The following SSPN variants were observed in gnomAD, a reference collection of about 807,000 sequenced individuals.
SSPN encodes the protein sarcospan.
In SSPN, 15 loss-of-function variants were observed where a neutral mutation model predicts 19.1. The ratio of observed to expected loss-of-function variants is 0.78; its 90% confidence interval spans 0.52 to 1.21. SSPN has a LOEUF of 1.21. Among genes scored for constraint, SSPN ranks in the 50% most tolerant of loss-of-function variants. SSPN has a pLI of 0.00. For synonymous variants in SSPN, 147 were observed against 140.3 expected, an observed-to-expected ratio of 1.05 and a Z score of -0.34; for missense variants, 291 against 314.0, an observed-to-expected ratio of 0.93 and a Z score of 0.55.
chr12:26,124,964 ACACACG>A lies in SSPN; in HGVS notation c.-31+2818_-31+2823del, dbSNP rs1944351152. The A allele has an allele frequency of 1.1e-5, 7 of 633,750 alleles. No individual in the cohort carries two copies. In the Admixed American group the frequency reaches 1.6e-4, roughly 14 times the overall value. 39.3% of individuals were successfully genotyped at this position (633,750 alleles called of 1,614,324 possible). On this transcript the variant is annotated intron_variant, in intron 1 of 2. Transcript: ENST00000538142. ...CCCCCCCTCCACCGCGCTCGCACACACACACGCACACACACGCACACTCGCGCCGGC... is the reference window on the plus strand; with the variant it reads ...CCCCCCCTCCACCGCGCTCGCACACACACACACACGCACACTCGCGCCGGC...
chr12:26,228,547 C>G (rs1052266216), intron 2 of SSPN, among the ~76,000 whole-genome samples: 1 of 152,028 alleles, frequency 6.6e-6, no homozygotes, highest in Non-Finnish European at 1.5e-5. Flanking sequence ...GAAATGATCA[C>G]TTTAACCTGG....
chr12:26,215,440 C>T (rs1220134219), intron 1 of SSPN, among the ~76,000 whole-genome samples: 3 of 152,138 alleles, frequency 2.0e-5, no homozygotes, highest in South Asian at 2.1e-4. Flanking sequence ...CCAGAAAAGG[C>T]AGAAATGGGG....
intron 1 of SSPN, among the ~76,000 whole-genome samples, chr12:26,156,865 A>G (rs914513003): frequency 1.3e-5 from 2 of 152,168 alleles, no homozygotes; most frequent in Non-Finnish European, 2.9e-5. Flanking sequence ...CCTTTTGCAT[A>G]TGAGGAAACT....
chr12:26,165,273 T>C lies in SSPN; in HGVS notation c.-31+43121T>C, dbSNP rs1944613634. Among the ~76,000 whole-genome samples, 3 of 152,188 alleles carry C rather than the reference T, an allele frequency of 2.0e-5. No individual in the cohort carries two copies. In the South Asian group the frequency reaches 6.2e-4, roughly 31 times the overall value. On this transcript the variant is annotated intron_variant, in intron 1 of 2. Transcript: ENST00000538142. ...GTCTATACAGAGCTGGGGAAAGTAT[T>C]TTCCTCTTTATAAGGAGTTCACTGC... is the stretch of plus-strand genomic sequence containing the variant.
chr12:26,157,350 T>C (rs1272940930), intron 1 of SSPN, among the ~76,000 whole-genome samples: 2 of 152,232 alleles, frequency 1.3e-5, no homozygotes, highest in Non-Finnish European at 2.9e-5. Context: ...ATTAATAAAG[T>C]AAACTGACTA....
chr12:26,137,255 G>C (rs990758606), intron 1 of SSPN, among the ~76,000 whole-genome samples: 1 of 152,114 alleles, frequency 6.6e-6, no homozygotes, highest in Non-Finnish European at 1.5e-5. Context: ...AAAACACTGC[G>C]GCTGCAGAGT....
intron 1 of SSPN, among the ~76,000 whole-genome samples, chr12:26,169,593 A>ATAT (rs1244268579): frequency 8.3e-6 from 1 of 120,596 alleles, no homozygotes; most frequent in African/African-American, 2.8e-5. Context: ...ATATATATAT[A>ATAT]TTTTTTTTTC....
intron 1 of SSPN, among the ~76,000 whole-genome samples, chr12:26,208,319 T>G (rs1019317950): frequency 6.6e-6 from 1 of 152,214 alleles, no homozygotes; most frequent in Non-Finnish European, 1.5e-5. Context: ...TTGTGTGCAA[T>G]GGTATCTTGT....
At position 26,122,151 on chromosome 12, in the gene SSPN, A is replaced by C. The variant is rs1330625550; in HGVS notation, c.-32A>C. 1.3e-6 allele frequency: 2 copies of C among 1,545,998 alleles called. No individual in the cohort carries two copies. Among genetic ancestry groups the C allele is most frequent in the East Asian group, 2.5e-5 (1 of 40,488 alleles). On this transcript the variant is annotated splice_region_variant and 5_prime_UTR_variant, in exon 1 of 3. Transcript: ENST00000538142. ...CGGCTCGCGGGGCCCGGCGAAGGGC[A>C]GGTGGGTGCGGCCGTGCGGGTGCTG...
chr12:26,224,961 C>T (rs1033819601), intron 2 of SSPN, among the ~76,000 whole-genome samples: 4 of 152,112 alleles, frequency 2.6e-5, no homozygotes, highest in African/African-American at 9.7e-5. Context: ...ACAGCATTTT[C>T]ACTGCACAAC....
intron 1 of SSPN, among the ~76,000 whole-genome samples, chr12:26,155,701 A>T (rs1326162741): frequency 6.6e-6 from 1 of 152,206 alleles, no homozygotes; most frequent in African/African-American, 2.4e-5. Flanking sequence ...AAAGAGCAAG[A>T]TTTAATAATG....
chr12:26,187,235 C>T (rs557795882), intron 1 of SSPN, among the ~76,000 whole-genome samples: 136 of 152,340 alleles, frequency 8.9e-4, no homozygotes, highest in Non-Finnish European at 1.5e-3. Context: ...GCCCCACTTA[C>T]GGTCATGAAG....
intron 1 of SSPN, among the ~76,000 whole-genome samples, chr12:26,139,314 T>C (rs1051079383): frequency 6.6e-6 from 1 of 152,220 alleles, no homozygotes; most frequent in African/African-American, 2.4e-5. Flanking sequence ...TTTATGTTAA[T>C]GATTAAGGTG....
chr12:26,189,114 G>C (rs1944772313), intron 1 of SSPN, among the ~76,000 whole-genome samples: 1 of 151,982 alleles, frequency 6.6e-6, no homozygotes, highest in Non-Finnish European at 1.5e-5. Context: ...CAGATTTAAA[G>C]AGATAATATG....
At chr12:26,206,768 A>C (rs974276683) in intron 1 of SSPN, among the ~76,000 whole-genome samples, 2 of 152,240 alleles carry the variant, frequency 1.3e-5, no homozygotes, top group Non-Finnish European at 2.9e-5. Flanking sequence ...ATTCATGAGA[A>C]AGGCTGGAAC....
At chr12:26,201,040 TATATATTA>T (rs1181310697) in intron 1 of SSPN, among the ~76,000 whole-genome samples, 2,547 of 61,664 alleles carry the variant, frequency 0.041, 88 homozygotes, top group African/African-American at 0.11. Context: ...TATATATATA[TATATATTA>T]TATATATATA....
At chr12:26,122,156 G>C (rs562259562) in intron 1 of SSPN, 1 of 1,541,342 alleles carries the variant, frequency 6.5e-7, no homozygotes, top group East Asian at 2.5e-5. Context: ...AGGGCAGGTG[G>C]GTGCGGCCGT....
chr12:26,189,335 T>A (rs1027435989), intron 1 of SSPN, among the ~76,000 whole-genome samples: 5 of 152,190 alleles, frequency 3.3e-5, no homozygotes, highest in Admixed American at 6.5e-5. Flanking sequence ...ATCCCAAAAC[T>A]GCATTATTAA....
intron 1 of SSPN, among the ~76,000 whole-genome samples, chr12:26,182,421 T>A (rs1944724152): frequency 6.6e-6 from 1 of 152,240 alleles, no homozygotes; most frequent in Non-Finnish European, 1.5e-5. Flanking sequence ...GGATGGTTTT[T>A]AAATCATCAT....
Sources: allele counts gnomAD v4.1 joint callset (sites outside exome capture counted in the v4.1 genomes callset), GRCh38; gene constraint gnomAD v4.1.1; transcripts MANE v1.5; gene names NCBI Gene and HGNC (gene_info 2026-07-23, HGNC 2026-07-21).